The following UTP14A variants were observed in gnomAD, a reference collection of about 807,000 sequenced individuals.
UTP14A encodes U3 small nucleolar RNA-associated protein 14 homolog A.
UTP14A carries 5 observed loss-of-function variants against 57.2 expected under a neutral mutation model. That is an observed-to-expected ratio of 0.09 (90% CI 0.05 to 0.18). The LOEUF is 0.18. Among genes scored for constraint, UTP14A ranks in the 10% least tolerant of loss-of-function variants. UTP14A has a pLI of 1.00. For synonymous variants in UTP14A, 169 were observed against 210.9 expected (o/e 0.80, Z 1.72); for missense variants, 430 against 562.1 (o/e 0.76, Z 2.38).
At chrX:129,919,570 T>C in intron 8 of UTP14A, 81 bp downstream of exon 8, 1 of 1,043,189 alleles carries the variant, frequency 9.6e-7, no homozygotes, top group Non-Finnish European at 1.3e-6. Context: ...GGAGAGAACC[T>C]TTGATGCAGC....
chrX:129,915,405 GT>G (rs781418328), intron 6 of UTP14A, among the ~76,000 whole-genome samples: 1,154 of 106,832 alleles, frequency 0.011, 15 homozygotes, highest in African/African-American at 0.038. Flanking sequence ...GGCGCCTATA[GT>G]CCCAGCTACT....
intron 6 of UTP14A, among the ~76,000 whole-genome samples, chrX:129,915,951 C>CTTTT (rs767150196): frequency 3.7e-5 from 3 of 81,930 alleles, no homozygotes; most frequent in African/African-American, 1.6e-4. Flanking sequence ...AATTCCATGA[C>CTTTT]TTTTTTTTTT....
At chrX:129,914,593 C>A (rs1019527489) in intron 6 of UTP14A, among the ~76,000 whole-genome samples, 1 of 109,656 alleles carries the variant, frequency 9.1e-6, no homozygotes, top group Non-Finnish European at 1.9e-5. Flanking sequence ...CGCCCTCCCC[C>A]AAAAAAAAGA....
At chrX:129,906,367 T>C in intron 1 of UTP14A, 131 bp downstream of exon 1, 1 of 630,185 alleles carries the variant, frequency 1.6e-6, no homozygotes, top group Non-Finnish European at 2.5e-6. Flanking sequence ...TTCGTTCCTA[T>C]TTTCCGCGAT....
At chrX:129,916,627 C>T (rs963455846) in intron 6 of UTP14A, among the ~76,000 whole-genome samples, 2 of 111,864 alleles carry the variant, frequency 1.8e-5, no homozygotes, top group Non-Finnish European at 3.8e-5. Flanking sequence ...CCTCATTGAA[C>T]CTTTCCTTTG....
rs115351626 is a variant in UTP14A at position 129,926,451 on chromosome X, G to A, written c.2043+112G>A. On this transcript the variant is annotated intron_variant, in intron 14 of 14. Coordinates refer to ENST00000394422, the MANE Select transcript of UTP14A (RefSeq NM_006649.4). ...AGAGAGACGTGTGATCTTGACCGCA[G>A]AATCAAATCTGTTGTTTTCACTGAA... is the stretch of plus-strand genomic sequence containing the variant. 2.0e-3 allele frequency: 1,303 copies of A among 645,168 alleles called. 17 individuals carry two copies. In the African/African-American group the frequency reaches 0.025, roughly 12 times the overall value. 53.2% of individuals were successfully genotyped at this position (645,168 alleles called of 1,213,427 possible). A position where few individuals can be genotyped will look rare whatever the true frequency, so the allele number is the denominator to read the frequency against.
At chrX:129,925,885 A>T (rs1459827168) in intron 12 of UTP14A, 34 bp from the exon 13 acceptor site, 2 of 1,199,487 alleles carry the variant, frequency 1.7e-6, no homozygotes, top group Non-Finnish European at 2.2e-6. Flanking sequence ...ACAGCTCATA[A>T]GCCAAGCTGT....
intron 4 of UTP14A, among the ~76,000 whole-genome samples, chrX:129,909,313 C>T (rs1051365086): frequency 1.8e-5 from 2 of 108,230 alleles, no homozygotes; most frequent in African/African-American, 3.4e-5. Flanking sequence ...AGGTTCACGC[C>T]ATTCTCCTTC....
In UTP14A at chrX:129,926,440, T is replaced by A. The variant is rs1349421701; in HGVS notation, c.2043+101T>A. On this transcript the variant is annotated intron_variant, in intron 14 of 14. Coordinates refer to ENST00000394422, the MANE Select transcript of UTP14A (RefSeq NM_006649.4). ...ATCTGTAGTCAAGAGAGACGTGTGA[T>A]CTTGACCGCAGAATCAAATCTGTTG... 4 of 705,217 alleles carry A rather than the reference T, an allele frequency of 5.7e-6. No individual in the cohort carries two copies. The African/African-American group carries it at 8.6e-5, about 15-fold the overall frequency. 58.1% of individuals were successfully genotyped at this position (705,217 alleles called of 1,213,427 possible). A position where few individuals can be genotyped will look rare whatever the true frequency, so the allele number is the denominator to read the frequency against.
At position 129,921,175 on chromosome X, in the gene UTP14A, C is replaced by A. The variant is rs1929895172; in HGVS notation, c.955-19C>A. On this transcript the variant is annotated intron_variant, in intron 10 of 14. Coordinates refer to ENST00000394422, the MANE Select transcript of UTP14A (RefSeq NM_006649.4). ...GGTCACTAATGACAGGGCTCTCATG[C>A]TGTGACTCTTTCCTCCAGGCTCGCC... The A allele has an allele frequency of 8.4e-7, 1 of 1,189,214 alleles. No homozygotes were observed. Among genetic ancestry groups the A allele is most frequent in the Admixed American group, 2.3e-5 (1 of 43,294 alleles).
intron 4 of UTP14A, among the ~76,000 whole-genome samples, chrX:129,909,311 G>A (rs1484423257): frequency 1.9e-5 from 2 of 104,770 alleles, no homozygotes; most frequent in African/African-American, 3.5e-5. Flanking sequence ...CCAGGTTCAC[G>A]CCATTCTCCT....
At chrX:129,907,550 T>G (rs1236767621) in intron 2 of UTP14A, 108 bp downstream of exon 2, 6 of 653,550 alleles carry the variant, frequency 9.2e-6, no homozygotes, top group Non-Finnish European at 1.4e-5. Flanking sequence ...CTCAAATAAA[T>G]TGCAAATGGT....
At chrX:129,912,653 T>A (rs948990649) in intron 6 of UTP14A, among the ~76,000 whole-genome samples, 5 of 111,121 alleles carry the variant, frequency 4.5e-5, no homozygotes, top group African/African-American at 6.5e-5. Context: ...ACTTTGCTTG[T>A]ACAGGAATAC....
chrX:129,924,735 T>C (rs971396579), intron 11 of UTP14A, 60 bp from the exon 12 acceptor site: 140 of 1,154,596 alleles, frequency 1.2e-4, no homozygotes, highest in Non-Finnish European at 1.6e-4. Flanking sequence ...AACAAATGCT[T>C]ACCGACCAGA....
chrX:129,918,391 G>GAAAA (rs1445525271), intron 6 of UTP14A, among the ~76,000 whole-genome samples: 2 of 21,472 alleles, frequency 9.3e-5, no homozygotes, highest in Admixed American at 5.5e-4. Flanking sequence ...CTCTGTCTCA[G>GAAAA]AAAACAAAAA....
chrX:129,915,236 A>T (rs764747691), intron 6 of UTP14A, among the ~76,000 whole-genome samples: 1 of 109,098 alleles, frequency 9.2e-6, no homozygotes, highest in African/African-American at 3.4e-5. Context: ...ATAAAAATAA[A>T]GGCTATGGGC....
chrX:129,926,197 C>T, intron 13 of UTP14A, 43 bp from the exon 14 acceptor site: 1 of 1,205,299 alleles, frequency 8.3e-7, no homozygotes, highest in Non-Finnish European at 1.1e-6. Flanking sequence ...TTGACTAAGT[C>T]CTTAATGCTC....
intron 6 of UTP14A, among the ~76,000 whole-genome samples, chrX:129,914,601 A>T (rs768273859): frequency 2.7e-5 from 3 of 111,241 alleles, no homozygotes; most frequent in Non-Finnish European, 5.7e-5. Context: ...CCCAAAAAAA[A>T]GAAAAGAAAA....
At chrX:129,925,312 T>C (rs1930064576) in intron 12 of UTP14A, 117 bp downstream of exon 12, 2 of 962,274 alleles carry the variant, frequency 2.1e-6, no homozygotes, top group Non-Finnish European at 2.8e-6. Flanking sequence ...CAGAATAGTA[T>C]AGGGCCAGGC....
Sources: allele counts gnomAD v4.1 joint callset (sites outside exome capture counted in the v4.1 genomes callset), GRCh38; gene constraint gnomAD v4.1.1; transcripts MANE v1.5; gene names NCBI Gene and HGNC (gene_info 2026-07-23, HGNC 2026-07-21).